Variants in CDC27 observed in about 807,000 individuals in gnomAD.
The protein encoded by CDC27 is cell division cycle 27, also known as cell division cycle protein 27 homolog.
A neutral mutation model predicts 109.7 loss-of-function variants in CDC27; 27 were observed. The ratio of observed to expected loss-of-function variants is 0.25; its 90% confidence interval spans 0.18 to 0.34. The LOEUF (loss-of-function observed/expected upper bound fraction) is 0.34, where lower values mean the gene tolerates loss of function less well. Among genes scored for constraint, CDC27 ranks in the 10% least tolerant of loss-of-function variants. The pLI is 1.00. For missense variants in CDC27, 579 were observed against 960.2 expected (o/e 0.60, Z 5.25); for synonymous variants, 266 against 333.9 (o/e 0.80, Z 2.22).
Position 47,125,235 on chromosome 17 carries a change from C to CTTT in CDC27, c.2161-1278_2161-1276dup, listed in dbSNP as rs58631604. Reference sequence around the variant, plus strand: ...GCACCCGGCCTTACTTTAAAGAAATCTTTTTTTTTTTTTTTTTTTTTTTTT... The same window carrying CTTT: ...GCACCCGGCCTTACTTTAAAGAAATCTTTTTTTTTTTTTTTTTTTTTTTTTTTT... On this transcript the variant is annotated intron_variant, in intron 16 of 18. Coordinates refer to ENST00000066544, the MANE Select transcript of CDC27 (RefSeq NM_001256.6). Among the ~76,000 whole-genome samples, 129 of 48,050 alleles carry CTTT rather than the reference C, an allele frequency of 2.7e-3. 20 individuals carry two copies. Among genetic ancestry groups the CTTT allele is most frequent in the East Asian group, 3.9e-3 (5 of 1,282 alleles). The allele number at this position is 48,050 out of a possible 152,430, so 31.5% of individuals were successfully genotyped here.
intron 3 of CDC27, among the ~76,000 whole-genome samples, chr17:47,171,401 C>T (rs1180906923): frequency 1.3e-5 from 2 of 152,170 alleles, no homozygotes; most frequent in Non-Finnish European, 2.9e-5. Flanking sequence ...GTCCCTTTTA[C>T]CATTATTCCA....
In CDC27 at chr17:47,185,479, G is replaced by C. The variant is rs909989128; in HGVS notation, c.27+3667C>G. Among the ~76,000 whole-genome samples the C allele has an allele frequency of 2.0e-5, 3 of 151,936 alleles. No individual in the cohort carries two copies. In the South Asian group the frequency reaches 6.2e-4, roughly 32 times the overall value. On this transcript the variant is annotated intron_variant, in intron 1 of 18. Coordinates refer to ENST00000066544, the MANE Select transcript of CDC27 (RefSeq NM_001256.6). ...ATTACAGGCGTGAGGCACCGCGCCC[G>C]GCCTGTAATCATTATAAATTTTTTG...
intron 9 of CDC27, among the ~76,000 whole-genome samples, chr17:47,146,017 C>T (rs1732332157): frequency 6.6e-6 from 1 of 152,136 alleles, no homozygotes; most frequent in Non-Finnish European, 1.5e-5. Flanking sequence ...CCATCAATCA[C>T]ACCTACATAA....
intron 9 of CDC27, among the ~76,000 whole-genome samples, chr17:47,150,538 C>A (rs551667808): frequency 1.1e-4 from 16 of 152,276 alleles, no homozygotes; most frequent in African/African-American, 3.9e-4. Flanking sequence ...AAGGAAAAAT[C>A]CTCCTCTAAA....
At chr17:47,139,166 G>A (rs748104586) in intron 12 of CDC27, among the ~76,000 whole-genome samples, 9 of 151,856 alleles carry the variant, frequency 5.9e-5, no homozygotes, top group Non-Finnish European at 1.0e-4. Flanking sequence ...CAAAAAGACC[G>A]AAGAGAAATC....
chr17:47,123,117 C>G (rs1397392373), intron 17 of CDC27, among the ~76,000 whole-genome samples: 1 of 152,134 alleles, frequency 6.6e-6, no homozygotes, highest in Non-Finnish European at 1.5e-5. Context: ...TTCAGAATTC[C>G]TTGCTTCTAT....
intron 16 of CDC27, among the ~76,000 whole-genome samples, chr17:47,126,334 G>C (rs1360831035): frequency 1.3e-5 from 2 of 151,994 alleles, no homozygotes; most frequent in Non-Finnish European, 2.9e-5. Context: ...CAGCAAATTA[G>C]GCCTCATAAT....
At chr17:47,179,217 ACTGCTTT>A (rs1220546692) in intron 2 of CDC27, among the ~76,000 whole-genome samples, 7 of 152,242 alleles carry the variant, frequency 4.6e-5, no homozygotes, top group Non-Finnish European at 1.0e-4. Context: ...CTACTGATCA[ACTGCTTT>A]AGCCTCATGC....
chr17:47,153,501 A>G (rs1378677506), intron 8 of CDC27, among the ~76,000 whole-genome samples: 2 of 152,224 alleles, frequency 1.3e-5, no homozygotes, highest in African/African-American at 4.8e-5. Flanking sequence ...AGGAGTTATT[A>G]TAGAAAAATC....
chr17:47,121,816 T>G (rs376835265), intron 18 of CDC27, among the ~76,000 whole-genome samples: 1 of 151,888 alleles, frequency 6.6e-6, no homozygotes, highest in South Asian at 2.1e-4. Context: ...TTCGGCTCAC[T>G]GCAACTTCAG....
chr17:47,142,183 A>C, intron 11 of CDC27, 46 bp downstream of exon 11: 1 of 1,238,634 alleles, frequency 8.1e-7, no homozygotes, highest in South Asian at 1.5e-5. Context: ...ACTTAAAATA[A>C]GTACATAATA....
At chr17:47,152,028 T>C in intron 8 of CDC27, 110 bp from the exon 9 acceptor site, 1 of 833,112 alleles carries the variant, frequency 1.2e-6, no homozygotes, top group South Asian at 3.0e-5. Flanking sequence ...AGCCATAATA[T>C]ACTGTCACCT....
At chr17:47,170,971 C>T (rs1023746977) in intron 3 of CDC27, 2 of 152,030 alleles carry the variant, frequency 1.3e-5, no homozygotes, top group Non-Finnish European at 2.9e-5. Context: ...TGTAGTGACA[C>T]GTGTCTGCAG....
intron 17 of CDC27, 114 bp from the exon 18 acceptor site, chr17:47,122,714 C>T (rs2062015297): frequency 8.0e-6 from 6 of 749,062 alleles, no homozygotes; most frequent in Non-Finnish European, 1.1e-5. Flanking sequence ...CACTCTATTA[C>T]CCAGGCTAGA....
intron 4 of CDC27, among the ~76,000 whole-genome samples, chr17:47,165,484 T>C (rs1376724677): frequency 6.6e-6 from 1 of 152,220 alleles, no homozygotes; most frequent in African/African-American, 2.4e-5. Flanking sequence ...TTTGGTGAAA[T>C]GTCCATTCAA....
At chr17:47,176,502 TA>T (rs1384409480) in intron 2 of CDC27, among the ~76,000 whole-genome samples, 1 of 152,140 alleles carries the variant, frequency 6.6e-6, no homozygotes, top group East Asian at 1.9e-4. Flanking sequence ...AGACCACAAA[TA>T]AAAGAGGGCT....
intron 12 of CDC27, among the ~76,000 whole-genome samples, chr17:47,141,064 C>T (rs1238867953): frequency 1.3e-5 from 2 of 152,158 alleles, no homozygotes; most frequent in African/African-American, 2.4e-5. Context: ...AGAATGTAAG[C>T]TCCACAGAGG....
At chr17:47,183,904 T>A (rs2064334084) in intron 1 of CDC27, among the ~76,000 whole-genome samples, 1 of 152,234 alleles carries the variant, frequency 6.6e-6, no homozygotes, top group African/African-American at 2.4e-5. Flanking sequence ...TTCCTAGATG[T>A]ATATCTAATA....
intron 15 of CDC27, among the ~76,000 whole-genome samples, chr17:47,130,117 G>A (rs201724426): frequency 6.6e-6 from 1 of 152,092 alleles, no homozygotes; most frequent in Non-Finnish European, 1.5e-5. Context: ...ATCTGAGCAC[G>A]TTGGGAGGCC....
Sources: gnomAD v4.1 joint callset for allele counts (sites outside exome capture counted in the v4.1 genomes callset) on GRCh38, gnomAD v4.1.1 for gene constraint, MANE v1.5 for transcripts, NCBI Gene and HGNC (gene_info 2026-07-23, HGNC 2026-07-21) for gene names.